RNF182: variants seen among roughly 807,000 people sequenced by gnomAD.
RNF182 encodes the protein E3 ubiquitin-protein ligase RNF182.
A neutral mutation model predicts 14.4 loss-of-function variants in RNF182; 15 were observed. That is an observed-to-expected ratio of 1.04 (90% CI 0.70 to 1.60). The LOEUF is 1.60. Ranked by LOEUF, RNF182 falls within the 40% of genes most tolerant of loss-of-function variation. The pLI, the probability that RNF182 is intolerant of heterozygous loss-of-function variation, is 0.00. For synonymous variants in RNF182, 128 were observed against 122.9 expected (o/e 1.04, Z -0.27); for missense variants, 268 against 294.8 (o/e 0.91, Z 0.67).
At position 13,939,271 on chromosome 6, in the gene RNF182, A is replaced by G. The variant is rs553930645; in HGVS notation, c.-367+14248A>G. The stretch of plus-strand genomic sequence containing the variant: ...CCTGATAGATTTTGATTGGAATTGC[A>G]TTGACTGTGTAGATCAGTTTGGGAG... On this transcript the variant is annotated intron_variant, in intron 1 of 2. Coordinates refer to ENST00000488300, the MANE Select transcript of RNF182 (RefSeq NM_152737.4). Among the ~76,000 whole-genome samples, 3 of 152,286 alleles carry G rather than the reference A, an allele frequency of 2.0e-5. No homozygotes were observed. The South Asian group carries it at 6.2e-4, about 32-fold the overall frequency.
intron 1 of RNF182, among the ~76,000 whole-genome samples, chr6:13,929,078 C>T (rs944312836): frequency 6.6e-6 from 1 of 152,126 alleles, no homozygotes; most frequent in Non-Finnish European, 1.5e-5. Context: ...ATTTTTCCTC[C>T]CAATTAACTA....
Position 13,931,733 on chromosome 6 carries a change from C to T in RNF182, c.-367+6710C>T, listed in dbSNP as rs143719752. On this transcript the variant is annotated intron_variant, in intron 1 of 2. Transcript: ENST00000488300. ...CTGCCTCTGCCACCTTTTAGTGATACGACCTTGAGGTAGCTGCTTAATCTC... is the reference window on the plus strand; with the variant it reads ...CTGCCTCTGCCACCTTTTAGTGATATGACCTTGAGGTAGCTGCTTAATCTC... Among the ~76,000 whole-genome samples, 149 of 151,828 alleles carry T rather than the reference C, an allele frequency of 9.8e-4. 1 individual carries two copies. Among genetic ancestry groups the T allele is most frequent in the Middle Eastern group, 3.4e-3 (1 of 294 alleles).
chr6:13,953,926 T>C (rs147697892), intron 1 of RNF182, among the ~76,000 whole-genome samples: 1 of 152,266 alleles, frequency 6.6e-6, no homozygotes, highest in Non-Finnish European at 1.5e-5. Flanking sequence ...ATATACATGG[T>C]GGATGGGCAG....
chr6:13,960,692 T>TGCGCGCGCGC (rs1311622318), intron 1 of RNF182, among the ~76,000 whole-genome samples: 23 of 137,804 alleles, frequency 1.7e-4, no homozygotes, highest in African/African-American at 5.1e-4. Context: ...TGTGTGTGTG[T>TGCGCGCGCGC]GCGCGCGTGC....
chr6:13,949,614 T>A (rs1187581769), intron 1 of RNF182: 1 of 386,566 alleles, frequency 2.6e-6, no homozygotes. Context: ...AAAACTGATA[T>A]GACGATGATT....
chr6:13,933,101 CAGAT>C (rs1759013418), intron 1 of RNF182, among the ~76,000 whole-genome samples: 1 of 152,166 alleles, frequency 6.6e-6, no homozygotes, highest in African/African-American at 2.4e-5. Context: ...TCCTATGACA[CAGAT>C]GGACAGGCTT....
chr6:13,971,366 G>A (rs899862959), intron 1 of RNF182, among the ~76,000 whole-genome samples: 1 of 152,084 alleles, frequency 6.6e-6, no homozygotes, highest in Non-Finnish European at 1.5e-5. Context: ...TTCGCCTTCT[G>A]TCATGATTGT....
chr6:13,953,125 A>G (rs946800810), intron 1 of RNF182, among the ~76,000 whole-genome samples: 2 of 152,188 alleles, frequency 1.3e-5, no homozygotes, highest in African/African-American at 2.4e-5. Context: ...TGTTCAATAA[A>G]CATTATTAAC....
intron 1 of RNF182, among the ~76,000 whole-genome samples, chr6:13,971,919 A>G (rs1409301834): frequency 1.3e-5 from 2 of 152,264 alleles, no homozygotes; most frequent in Non-Finnish European, 2.9e-5. Flanking sequence ...GCAGCAAAGC[A>G]TTCAAGATGT....
chr6:13,970,420 A>G (rs1445729588), intron 1 of RNF182, among the ~76,000 whole-genome samples: 2 of 152,194 alleles, frequency 1.3e-5, no homozygotes, highest in Non-Finnish European at 2.9e-5. Context: ...TCATGTTGCT[A>G]CAAATGACAG....
intron 1 of RNF182, among the ~76,000 whole-genome samples, chr6:13,960,998 T>G (rs866740685): frequency 6.6e-6 from 1 of 152,194 alleles, no homozygotes; most frequent in African/African-American, 2.4e-5. Flanking sequence ...TTTGTTTGCA[T>G]CTTCCAAATA....
At chr6:13,955,648 TTATGTGCTC>T (rs1420491196) in intron 1 of RNF182, among the ~76,000 whole-genome samples, 1 of 152,216 alleles carries the variant, frequency 6.6e-6, no homozygotes, top group Non-Finnish European at 1.5e-5. Flanking sequence ...CCTTGATGCA[TTATGTGCTC>T]CATGGCAGAA....
chr6:13,967,657 T>C (rs1760068475), intron 1 of RNF182, among the ~76,000 whole-genome samples: 1 of 152,190 alleles, frequency 6.6e-6, no homozygotes, highest in African/African-American at 2.4e-5. Context: ...CCCGTACTAT[T>C]AGAAATTACA....
chr6:13,961,465 G>T (rs572170182), intron 1 of RNF182: 1 of 152,316 alleles, frequency 6.6e-6, no homozygotes, highest in Non-Finnish European at 1.5e-5. Flanking sequence ...TAGATGCTAT[G>T]TGCTTCCATT....
At chr6:13,934,599 T>C (rs1298324691) in intron 1 of RNF182, among the ~76,000 whole-genome samples, 1 of 152,192 alleles carries the variant, frequency 6.6e-6, no homozygotes, top group East Asian at 1.9e-4. Flanking sequence ...CCATCTCTGT[T>C]TTGTCATAGG....
chr6:13,971,410 A>C (rs1164531925), intron 1 of RNF182, among the ~76,000 whole-genome samples: 1 of 152,144 alleles, frequency 6.6e-6, no homozygotes, highest in African/African-American at 2.4e-5. Flanking sequence ...TTGTGAGTCC[A>C]TTAACCCTCT....
intron 1 of RNF182, among the ~76,000 whole-genome samples, chr6:13,954,151 G>A (rs1759671974): frequency 6.6e-6 from 1 of 151,960 alleles, no homozygotes. Flanking sequence ...CCTCCCCATT[G>A]GATTATTTTG....
intron 1 of RNF182, among the ~76,000 whole-genome samples, chr6:13,943,485 A>G (rs1759350954): frequency 6.6e-6 from 1 of 152,110 alleles, no homozygotes; most frequent in Non-Finnish European, 1.5e-5. Context: ...TAAATCATGT[A>G]TGCTACTGGG....
intron 1 of RNF182, chr6:13,949,378 A>G (rs1439074173): frequency 5.3e-6 from 4 of 758,324 alleles, no homozygotes; most frequent in Admixed American, 1.8e-5. Flanking sequence ...TCAGATCTCT[A>G]ACATTCATTT....
Sources: allele counts gnomAD v4.1 joint callset (sites outside exome capture counted in the v4.1 genomes callset), GRCh38; gene constraint gnomAD v4.1.1; transcripts MANE v1.5; gene names NCBI Gene and HGNC (gene_info 2026-07-23, HGNC 2026-07-21).